The following STAC variants were observed in gnomAD, a reference collection of about 807,000 sequenced individuals.
The protein encoded by STAC is SH3 and cysteine-rich domain-containing protein.
STAC carries 43 observed loss-of-function variants against 48.8 expected under a neutral mutation model. That is an observed-to-expected ratio of 0.88 (90% CI 0.69 to 1.14). The LOEUF (loss-of-function observed/expected upper bound fraction) is 1.14, where lower values mean the gene tolerates loss of function less well. STAC is among the 50% of genes most tolerant of loss of function. The pLI, the probability that STAC is intolerant of heterozygous loss-of-function variation, is 0.00. For synonymous variants in STAC, 193 were observed against 179.5 expected (o/e 1.07, Z -0.60); for missense variants, 497 against 504.0 (o/e 0.99, Z 0.13).
At chr3:36,546,148 C>A in intron 10 of STAC, 43 bp from the exon 11 acceptor site, 1 of 1,554,606 alleles carries the variant, frequency 6.4e-7, no homozygotes, top group Non-Finnish European at 8.9e-7. Flanking sequence ...TTCGTTCTTG[C>A]TGACAGTAAA....
At chr3:36,503,110 C>T (rs1698317514) in intron 6 of STAC, among the ~76,000 whole-genome samples, 1 of 152,128 alleles carries the variant, frequency 6.6e-6, no homozygotes, top group Non-Finnish European at 1.5e-5. Context: ...CCTCTACTGA[C>T]ATTTCTTTGA....
intron 1 of STAC, among the ~76,000 whole-genome samples, chr3:36,398,596 G>GGAAGGAAGGAAGGAAGGAAT: frequency 1.3e-5 from 1 of 76,026 alleles, no homozygotes; most frequent in South Asian, 4.8e-4. Flanking sequence ...AAGGAAGGAA[G>GGAAGGAAGGAAGGAAGGAAT]GAAGAAAGGA....
At chr3:36,540,044 G>A (rs556117293) in intron 10 of STAC, among the ~76,000 whole-genome samples, 2 of 152,272 alleles carry the variant, frequency 1.3e-5, no homozygotes, top group East Asian at 3.9e-4. Flanking sequence ...GGAGACAGGA[G>A]GGCCAGCGTC....
intron 5 of STAC, among the ~76,000 whole-genome samples, chr3:36,489,434 A>C (rs958880106): frequency 4.6e-5 from 7 of 152,204 alleles, no homozygotes; most frequent in African/African-American, 1.7e-4. Context: ...CCAGACATTC[A>C]AACTATCTCC....
intron 10 of STAC, among the ~76,000 whole-genome samples, chr3:36,544,496 A>G (rs557321288): frequency 6.3e-4 from 96 of 151,872 alleles, no homozygotes; most frequent in African/African-American, 2.1e-3. Flanking sequence ...TTATTTATTT[A>G]TTTGTTTATT....
intron 1 of STAC, among the ~76,000 whole-genome samples, chr3:36,409,003 G>C (rs528557849): frequency 3.9e-5 from 6 of 152,134 alleles, no homozygotes; most frequent in Non-Finnish European, 7.3e-5. Context: ...ACATAATATA[G>C]TGGGAAACAT....
chr3:36,422,468 A>C (rs1441561119), intron 1 of STAC, among the ~76,000 whole-genome samples: 1 of 152,150 alleles, frequency 6.6e-6, no homozygotes, highest in Non-Finnish European at 1.5e-5. Flanking sequence ...TAACTTCATA[A>C]AAATTTTATT....
At chr3:36,437,942 T>TATTATTATTATTA (rs1215249251) in intron 1 of STAC, among the ~76,000 whole-genome samples, 1 of 148,066 alleles carries the variant, frequency 6.8e-6, no homozygotes, top group Non-Finnish European at 1.5e-5. Flanking sequence ...TTATTATTAT[T>TATTATTATTATTA]ATTATTATTA....
At chr3:36,502,576 C>T (rs1326743169) in intron 6 of STAC, among the ~76,000 whole-genome samples, 3 of 152,174 alleles carry the variant, frequency 2.0e-5, no homozygotes, top group Non-Finnish European at 4.4e-5. Context: ...CCACACTGAA[C>T]ATTGTATATG....
chr3:36,527,956 T>C (rs556645733), intron 8 of STAC, among the ~76,000 whole-genome samples: 85 of 152,060 alleles, frequency 5.6e-4, no homozygotes, highest in African/African-American at 2.0e-3. Context: ...TGAGAGGGTA[T>C]TGGGAAGGTG....
rs2125508262 is a variant in STAC at position 36,546,211 on chromosome 3, A to G, written c.1131A>G (p.Glu377=). Residue 377 remains glutamate (E), a synonymous_variant, in exon 11 of 11, where the codon GAA becomes GAG. Coordinates refer to ENST00000273183, the MANE Select transcript of STAC (RefSeq NM_003149.3). ...TTCAGATCTGCGTGAGTTCTGAAGA[A>G]GAACAAGATGGTTTTATCAGAGTCC... ...KENQICVSSE[E]EQDGFIRVLS... 6.2e-7 allele frequency: 1 copy of G among 1,614,088 alleles called. No homozygotes were observed. The highest frequency in any genetic ancestry group is 8.5e-7 in the Non-Finnish European group (1 of 1,179,960).
chr3:36,514,201 CTTCT>C (rs1698611624), intron 8 of STAC, among the ~76,000 whole-genome samples: 1 of 109,144 alleles, frequency 9.2e-6, no homozygotes, highest in Non-Finnish European at 1.8e-5. Context: ...CTACACTGGC[CTTCT>C]TTTTTTTTTT....
intron 1 of STAC, among the ~76,000 whole-genome samples, chr3:36,432,917 T>A (rs527240609): frequency 6.6e-6 from 1 of 152,122 alleles, no homozygotes; most frequent in Non-Finnish European, 1.5e-5. Flanking sequence ...CCGTGTAAAG[T>A]CCTTAGGATA....
At chr3:36,536,130 C>T (rs1699192939) in intron 10 of STAC, among the ~76,000 whole-genome samples, 1 of 152,112 alleles carries the variant, frequency 6.6e-6, no homozygotes, top group Non-Finnish European at 1.5e-5. Context: ...CTATTTGTTA[C>T]TGCCTCAATT....
At chr3:36,491,794 A>C (rs989982520) in intron 5 of STAC, among the ~76,000 whole-genome samples, 2 of 151,230 alleles carry the variant, frequency 1.3e-5, no homozygotes, top group African/African-American at 4.9e-5. Context: ...CAGGCAGATC[A>C]CCTGAGGTCA....
Position 36,412,626 on chromosome 3 carries a change from A to G in STAC, c.112-30738A>G, listed in dbSNP as rs145607332. ...TTATTCTTTCACATTTAGATTTTTA[A>G]TTCAACTGTAAATTTCTGTGTGGCA... On this transcript the variant is annotated intron_variant, in intron 1 of 10. Coordinates refer to ENST00000273183, the MANE Select transcript of STAC (RefSeq NM_003149.3). 6.3e-3 allele frequency among the ~76,000 whole-genome samples: 958 copies of G among 152,268 alleles called. 11 individuals are homozygous for G. The highest frequency in any genetic ancestry group is 0.022 in the African/African-American group (899 of 41,548).
chr3:36,484,608 TTAACAAACCACAA>T (rs987141558), intron 3 of STAC, among the ~76,000 whole-genome samples: 1 of 152,156 alleles, frequency 6.6e-6, no homozygotes, highest in African/African-American at 2.4e-5. Flanking sequence ...TTATATTATT[TTAACAAACCACAA>T]TAACAAACTG....
chr3:36,428,633 G>C (rs1412135811), intron 1 of STAC, among the ~76,000 whole-genome samples: 1 of 152,194 alleles, frequency 6.6e-6, no homozygotes, highest in African/African-American at 2.4e-5. Flanking sequence ...TGAAGGAAGT[G>C]AGAAGTGAGA....
intron 1 of STAC, among the ~76,000 whole-genome samples, chr3:36,402,661 A>G (rs901176463): frequency 6.6e-6 from 1 of 152,182 alleles, no homozygotes; most frequent in South Asian, 2.1e-4. Flanking sequence ...ACTGCAAGAA[A>G]ATAATAATAA....
Sources: gnomAD v4.1 joint callset for allele counts (sites outside exome capture counted in the v4.1 genomes callset) on GRCh38, gnomAD v4.1.1 for gene constraint, MANE v1.5 for transcripts, NCBI Gene and HGNC (gene_info 2026-07-23, HGNC 2026-07-21) for gene names.